USH2A: variants seen among roughly 807,000 people sequenced by gnomAD.
USH2A encodes usherin.
USH2A carries 443 observed loss-of-function variants against 538.9 expected under a neutral mutation model. The observed-to-expected ratio is 0.82, with a 90% CI of 0.76 to 0.89. The LOEUF (loss-of-function observed/expected upper bound fraction) is 0.89. Among genes scored for constraint, USH2A ranks in the 40% least tolerant of loss-of-function variants. The probability of loss-of-function intolerance (pLI) is 0.00; values close to 1 mark genes in which losing one functional copy is unlikely to be tolerated. For synonymous variants in USH2A, 2,413 were observed against 2,273.5 expected, an observed-to-expected ratio of 1.06 and a Z score of -1.75; for missense variants, 6,633 against 6,324.8, an observed-to-expected ratio of 1.05 and a Z score of -1.65.
rs10525093 is a variant in USH2A, at chr1:216,120,219, CAA to C, written c.4628-23008_4628-23007del. On this transcript the variant is annotated intron_variant, in intron 21 of 71. Transcript: ENST00000307340. ...TATTAAAACAGGTCATACTAAATAG[CAA>C]AAAAAAAAAAAAAAAAAAAAAAAAA... 8.3e-3 allele frequency among the ~76,000 whole-genome samples: 828 copies of C among 99,382 alleles called. 1 individual carries two copies. The highest frequency in any genetic ancestry group is 0.026 in the African/African-American group (666 of 25,850). The allele number at this position is 99,382 out of a possible 152,430, so 65.2% of individuals were successfully genotyped here.
At chr1:215,743,550 C>T (rs1660377620) in intron 58 of USH2A, among the ~76,000 whole-genome samples, 1 of 150,670 alleles carries the variant, frequency 6.6e-6, no homozygotes, top group Non-Finnish European at 1.5e-5. Context: ...TAATTGAGGC[C>T]GGGCGTGGTG....
At chr1:215,903,153 A>G (rs976753981) in intron 38 of USH2A, among the ~76,000 whole-genome samples, 2 of 152,130 alleles carry the variant, frequency 1.3e-5, no homozygotes, top group African/African-American at 2.4e-5. Flanking sequence ...TGAAAAAGGA[A>G]GAACGTATCA....
At chr1:216,197,309 T>G (rs1317220491) in intron 18 of USH2A, among the ~76,000 whole-genome samples, 1 of 152,190 alleles carries the variant, frequency 6.6e-6, no homozygotes, top group Non-Finnish European at 1.5e-5. Flanking sequence ...TACAGGGATT[T>G]TAAATGTGCT....
At chr1:215,752,793 A>G (rs1034297497) in intron 58 of USH2A, among the ~76,000 whole-genome samples, 1 of 152,194 alleles carries the variant, frequency 6.6e-6, no homozygotes, top group African/African-American at 2.4e-5. Context: ...GGTATTGCCT[A>G]GGTAAAATTG....
intron 44 of USH2A, among the ~76,000 whole-genome samples, chr1:215,863,723 C>A (rs550022136): frequency 6.6e-6 from 1 of 151,878 alleles, no homozygotes; most frequent in Non-Finnish European, 1.5e-5. Context: ...GGCTGTAATT[C>A]CAGCACTTTA....
At chr1:216,409,380 C>T (rs10863239) in intron 3 of USH2A, among the ~76,000 whole-genome samples, 53 of 151,900 alleles carry the variant, frequency 3.5e-4, no homozygotes, top group Non-Finnish European at 4.0e-4. Context: ...TAGAAAAAAA[C>T]TTTTTAAATT....
chr1:215,854,704 T>C (rs960957142), intron 44 of USH2A, among the ~76,000 whole-genome samples: 2 of 152,158 alleles, frequency 1.3e-5, no homozygotes, highest in Non-Finnish European at 2.9e-5. Flanking sequence ...CTGATTTACA[T>C]AGGGCCTAAA....
intron 9 of USH2A, among the ~76,000 whole-genome samples, chr1:216,308,240 C>A (rs2037353446): frequency 6.6e-6 from 1 of 152,088 alleles, no homozygotes; most frequent in Non-Finnish European, 1.5e-5. Flanking sequence ...AGCTATATTC[C>A]TTCATATCCA....
intron 64 of USH2A, among the ~76,000 whole-genome samples, chr1:215,655,725 CTTTTTTT>C (rs766225635): frequency 0.013 from 1,285 of 96,176 alleles, 14 homozygotes; most frequent in African/African-American, 0.042. Flanking sequence ...GCTAGTTATT[CTTTTTTT>C]TTTTTTTTTT....
At chr1:215,903,253 G>A (rs1209191675) in intron 38 of USH2A, among the ~76,000 whole-genome samples, 1 of 152,102 alleles carries the variant, frequency 6.6e-6, no homozygotes, top group African/African-American at 2.4e-5. Flanking sequence ...TGATAACTTT[G>A]CAAAGAGCAG....
intron 4 of USH2A, among the ~76,000 whole-genome samples, chr1:216,340,164 C>A (rs1029181438): frequency 2.0e-5 from 3 of 151,872 alleles, no homozygotes; most frequent in Non-Finnish European, 2.9e-5. Flanking sequence ...GGGGATAACA[C>A]CACTGACCCC....
At chr1:215,982,606 T>A (rs1408234009) in intron 35 of USH2A, among the ~76,000 whole-genome samples, 2 of 152,226 alleles carry the variant, frequency 1.3e-5, no homozygotes, top group African/African-American at 2.4e-5. Flanking sequence ...ATTTACTAAA[T>A]ACTGTAAAAT....
chr1:216,004,345 G>A (rs997634740), intron 32 of USH2A, among the ~76,000 whole-genome samples: 2 of 152,114 alleles, frequency 1.3e-5, no homozygotes, highest in African/African-American at 4.8e-5. Flanking sequence ...ATGAGTAAAG[G>A]AGAAATCAAC....
chr1:215,628,839 G>A lies in USH2A; in HGVS notation c.15494C>T (p.Ala5165Val), dbSNP rs146892520. 1 of 1,614,152 alleles carries A rather than the reference G, an allele frequency of 6.2e-7. No individual in the cohort carries two copies. Among genetic ancestry groups the A allele is most frequent in the Non-Finnish European group, 8.5e-7 (1 of 1,180,028 alleles). The part of the protein sequence containing the change: ...KVLMDNSLWE[A>V]IMGHNSGLYV... ...CAGTCCACTGTTGTGGCCCATGATG[G>A]CTTCCCACAGTGAGTTGTCCATCAA... Residue 5165 changes from alanine to valine, a missense_variant, in exon 71 of 72, where the codon GCC becomes GTC. Physicochemically the swap from Ala to Val is moderately conservative, Grantham distance 64 (BLOSUM62 0). Transcript: ENST00000307340.
At position 215,681,029 on chromosome 1, in the gene USH2A, T is replaced by TAA. The variant is rs1026656084; in HGVS notation, c.12067-655_12067-654dup. ...TTTCATTTGTTAAAAGCACCATAAG[T>TAA]AAAACTATGAAACCTACCAAAAGTA... On this transcript the variant is annotated intron_variant, in intron 61 of 71. Transcript: ENST00000307340. 6.9e-4 allele frequency among the ~76,000 whole-genome samples: 104 copies of TAA among 151,478 alleles called. 1 individual carries two copies. The highest frequency in any genetic ancestry group is 2.3e-3 in the African/African-American group (95 of 41,482).
At position 215,650,333 on chromosome 1, in the gene USH2A, C is replaced by G. The variant is rs116115745; in HGVS notation, c.14343+259G>C. ...AAATTAGTGTGATTGCCTTTAAAGT[C>G]TTAGTTTCTTACGTTTGTGGAGTCT... On this transcript the variant is annotated intron_variant, in intron 65 of 71. Transcript: ENST00000307340. 8.2e-3 allele frequency among the ~76,000 whole-genome samples: 1,249 copies of G among 152,184 alleles called. 15 individuals are homozygous for G. Among genetic ancestry groups the G allele is most frequent in the African/African-American group, 0.026 (1,078 of 41,536 alleles).
chr1:216,288,028 G>T (rs1190566749), intron 11 of USH2A, among the ~76,000 whole-genome samples: 4 of 152,082 alleles, frequency 2.6e-5, no homozygotes, highest in Non-Finnish European at 5.9e-5. Flanking sequence ...TAATTTTACA[G>T]AGCCTGTAAT....
chr1:216,064,668 T>C (rs938667924), intron 30 of USH2A, among the ~76,000 whole-genome samples: 3 of 152,188 alleles, frequency 2.0e-5, no homozygotes, highest in Non-Finnish European at 4.4e-5. Flanking sequence ...GTTTTTACTA[T>C]ACCTTTTCTG....
In USH2A at chr1:216,231,995, T is replaced by C; in HGVS notation, c.2951A>G (p.Gln984Arg). 1 of 1,614,090 alleles carries C rather than the reference T, an allele frequency of 6.2e-7. No homozygotes were observed. The highest frequency in any genetic ancestry group is 8.5e-7 in the Non-Finnish European group (1 of 1,179,926). Residue 984 changes from glutamine (Q) to arginine (R), a missense_variant, in exon 14 of 72, where the codon CAA becomes CGA. Gln to Arg is a conservative substitution (Grantham distance 43). Transcript: ENST00000307340. ...AAATCCAAAGTAATGGTCTTTGCAT[T>C]GGTCACAACGTTGCCCAGCAATGGA... is the stretch of plus-strand genomic sequence containing the variant. ...DASIAGQRCD[Q>R]CKDHYFGFDP... is the part of the protein sequence containing the mutation.
Sources: gnomAD v4.1 joint callset for allele counts (sites outside exome capture counted in the v4.1 genomes callset) on GRCh38, gnomAD v4.1.1 for gene constraint, MANE v1.5 for transcripts, NCBI Gene and HGNC (gene_info 2026-07-23, HGNC 2026-07-21) for gene names.